Variants in CDH13 observed in about 807,000 individuals in gnomAD.
CDH13 encodes cadherin-13.
Under a neutral mutation model 63.8 loss-of-function variants are expected in CDH13, and 24 were observed. That is an observed-to-expected ratio of 0.38 (90% CI 0.27 to 0.53). The LOEUF (loss-of-function observed/expected upper bound fraction) is 0.53, where lower values mean the gene tolerates loss of function less well. Among genes scored for constraint, CDH13 ranks in the 20% least tolerant of loss-of-function variants. CDH13 has a pLI of 0.85. For synonymous variants in CDH13, 503 were observed against 355.3 expected (o/e 1.42, Z -4.67); for missense variants, 1,049 against 903.1 (o/e 1.16, Z -2.07).
chr16:83,585,078 C>T lies in CDH13; in HGVS notation c.961-17376C>T, dbSNP rs900604331. Reference sequence around the variant, plus strand: ...ATTTGGTGGGGACACATATCCAAACCGTATCAGATGCTCCCGAGCCATGAC... The same window carrying T: ...ATTTGGTGGGGACACATATCCAAACTGTATCAGATGCTCCCGAGCCATGAC... On this transcript the variant is annotated intron_variant, in intron 7 of 13. Coordinates refer to ENST00000567109, the MANE Select transcript of CDH13 (RefSeq NM_001257.5). 3.9e-5 allele frequency among the ~76,000 whole-genome samples: 6 copies of T among 152,240 alleles called. No individual in the cohort carries two copies. In the South Asian group the frequency reaches 1.0e-3, roughly 26 times the overall value.
chr16:83,673,991 C>G (rs902510135), intron 9 of CDH13, among the ~76,000 whole-genome samples: 1 of 152,170 alleles, frequency 6.6e-6, no homozygotes, highest in Non-Finnish European at 1.5e-5. Context: ...CATTGGCTGC[C>G]TCCCAGGTCA....
Position 83,007,648 on chromosome 16 carries a change from G to T in CDH13, c.158-24362G>T, listed in dbSNP as rs527648005. Among the ~76,000 whole-genome samples the T allele has an allele frequency of 7.9e-5, 12 of 152,124 alleles. No individual in the cohort carries two copies. The South Asian group carries it at 2.5e-3, about 32-fold the overall frequency. Reference sequence around the variant, plus strand: ...AGTTTGAGACCAGCCTAGGCAGCATGGCAAAACCCTGTATCTACTAAAAAT... The same window carrying T: ...AGTTTGAGACCAGCCTAGGCAGCATTGCAAAACCCTGTATCTACTAAAAAT... On this transcript the variant is annotated intron_variant, in intron 2 of 13. Transcript: ENST00000567109.
intron 3 of CDH13, among the ~76,000 whole-genome samples, chr16:83,049,325 CTTTTTT>C (rs34082309): frequency 1.6e-5 from 2 of 126,102 alleles, no homozygotes; most frequent in East Asian, 2.3e-4. Context: ...TGACTGGCCT[CTTTTTT>C]TTTTTTTTTT....
intron 2 of CDH13, among the ~76,000 whole-genome samples, chr16:83,002,605 CAAAT>C (rs1913056852): frequency 2.0e-5 from 3 of 152,296 alleles, no homozygotes; most frequent in African/African-American, 7.2e-5. Flanking sequence ...AGGCAATAAA[CAAAT>C]AAAATGTATT....
chr16:83,645,505 A>G (rs1911702678), intron 8 of CDH13, among the ~76,000 whole-genome samples: 2 of 150,878 alleles, frequency 1.3e-5, no homozygotes, highest in African/African-American at 4.9e-5. Context: ...TCACCAAGAG[A>G]CAATATACCC....
intron 2 of CDH13, among the ~76,000 whole-genome samples, chr16:83,014,770 A>G (rs865903178): frequency 0.37 from 26,267 of 71,718 alleles, 6,505 homozygotes; most frequent in Admixed American, 0.42. Flanking sequence ...ATATATATAT[A>G]TATATGTATA....
chr16:82,823,639 CT>C (rs1567571282), intron 1 of CDH13: 1 of 152,042 alleles, frequency 6.6e-6, no homozygotes, highest in Non-Finnish European at 1.5e-5. Context: ...AAAGGGAAAT[CT>C]TAAAGTATTT....
At chr16:83,673,642 C>T (rs1230677360) in intron 9 of CDH13, among the ~76,000 whole-genome samples, 3 of 152,228 alleles carry the variant, frequency 2.0e-5, no homozygotes, top group Non-Finnish European at 4.4e-5. Flanking sequence ...CCTCTCCCTA[C>T]ATTCCTGTGC....
intron 5 of CDH13, among the ~76,000 whole-genome samples, chr16:83,337,724 C>G (rs1215738425): frequency 1.5e-5 from 2 of 134,138 alleles, no homozygotes; most frequent in Non-Finnish European, 3.1e-5. Context: ...ATTTCGCAGC[C>G]TTTAGTTTGT....
At chr16:83,367,332 G>C (rs1005861597) in intron 6 of CDH13, among the ~76,000 whole-genome samples, 1 of 152,020 alleles carries the variant, frequency 6.6e-6, no homozygotes, top group Non-Finnish European at 1.5e-5. Context: ...TATTAATATT[G>C]TATGGGATTA....
chr16:82,706,095 C>T (rs1177245239), intron 1 of CDH13, among the ~76,000 whole-genome samples: 1 of 151,974 alleles, frequency 6.6e-6, no homozygotes, highest in African/African-American at 2.4e-5. Flanking sequence ...TCTTCATCTT[C>T]CTGTCTTCCT....
intron 1 of CDH13, among the ~76,000 whole-genome samples, chr16:82,794,601 G>T (rs1012510912): frequency 6.6e-6 from 1 of 151,962 alleles, no homozygotes; most frequent in African/African-American, 2.4e-5. Context: ...AATATTTGAC[G>T]ACAACGGAAT....
intron 4 of CDH13, among the ~76,000 whole-genome samples, chr16:83,143,327 A>C (rs944266415): frequency 6.6e-6 from 1 of 152,218 alleles, no homozygotes; most frequent in African/African-American, 2.4e-5. Flanking sequence ...AGAAGAAAAA[A>C]TATTTAGGAA....
chr16:83,230,765 G>A (rs1308339432), intron 5 of CDH13, among the ~76,000 whole-genome samples: 2 of 152,208 alleles, frequency 1.3e-5, no homozygotes, highest in African/African-American at 4.8e-5. Context: ...CCAGTCTGGT[G>A]ACAGAGCGAG....
chr16:83,003,399 T>A (rs534149116), intron 2 of CDH13, among the ~76,000 whole-genome samples: 67 of 151,992 alleles, frequency 4.4e-4, no homozygotes, highest in Non-Finnish European at 7.5e-4. Flanking sequence ...TTTTTTTTTT[T>A]AATTTTCTAT....
At chr16:83,775,568 C>A (rs904742914) in intron 11 of CDH13, among the ~76,000 whole-genome samples, 3 of 152,086 alleles carry the variant, frequency 2.0e-5, no homozygotes, top group African/African-American at 7.2e-5. Context: ...AAGAGGGAGT[C>A]CCATTCTAGC....
At chr16:83,549,792 C>A (rs1293591257) in intron 7 of CDH13, among the ~76,000 whole-genome samples, 1 of 152,098 alleles carries the variant, frequency 6.6e-6, no homozygotes, top group South Asian at 2.1e-4. Context: ...GTAATCCCTT[C>A]GAGGAGAGGT....
chr16:83,367,592 T>C lies in CDH13; in HGVS notation c.781+22586T>C, dbSNP rs190772012. On this transcript the variant is annotated intron_variant, in intron 6 of 13. Transcript: ENST00000567109. ...GCAGACTGTGTTTCAAAGCAGCTGT[T>C]CCATTTTACATTTCCATCAGCAGTG... 7.8e-3 allele frequency among the ~76,000 whole-genome samples: 1,195 copies of C among 152,352 alleles called. 9 individuals are homozygous for C. Among genetic ancestry groups the C allele is most frequent in the Non-Finnish European group, 0.012 (799 of 68,026 alleles).
intron 7 of CDH13, among the ~76,000 whole-genome samples, chr16:83,512,044 A>G (rs956553245): frequency 1.3e-5 from 2 of 152,200 alleles, no homozygotes; most frequent in South Asian, 2.1e-4. Context: ...GGAAGGGGCC[A>G]GGCGCGGTGG....
Sources: allele counts gnomAD v4.1 joint callset (sites outside exome capture counted in the v4.1 genomes callset), GRCh38; gene constraint gnomAD v4.1.1; transcripts MANE v1.5; gene names NCBI Gene and HGNC (gene_info 2026-07-23, HGNC 2026-07-21).